Variants in WDPCP observed in about 807,000 individuals in gnomAD.
WDPCP encodes WD repeat containing planar cell polarity effector, also known as WD repeat-containing and planar cell polarity effector protein fritz homolog.
WDPCP carries 71 observed loss-of-function variants against 93.1 expected under a neutral mutation model. That is an observed-to-expected ratio of 0.76 (90% CI 0.63 to 0.93). The LOEUF is 0.93. Among genes scored for constraint, WDPCP ranks in the 40% least tolerant of loss-of-function variants. The probability of loss-of-function intolerance (pLI) is 0.00; values close to 1 mark genes in which losing one functional copy is unlikely to be tolerated. For synonymous variants in WDPCP, 315 were observed against 315.0 expected (o/e 1.00, Z 0.00); for missense variants, 844 against 887.4 (o/e 0.95, Z 0.62).
At chr2:63,582,294 A>G (rs1390657596) in intron 1 of WDPCP, among the ~76,000 whole-genome samples, 1 of 152,180 alleles carries the variant, frequency 6.6e-6, no homozygotes, top group Non-Finnish European at 1.5e-5. Flanking sequence ...TAGAATGAAT[A>G]GCATATTAGA....
At chr2:63,717,710 C>A in intron 2 of WDPCP, 1 of 459,624 alleles carries the variant, frequency 2.2e-6, no homozygotes, top group Non-Finnish European at 4.3e-6. Context: ...CTTGGCCCAA[C>A]GTTGATGCCC....
chr2:63,741,314 AT>A lies in WDPCP; in HGVS notation n.308+72307del, dbSNP rs930733213. On this transcript the variant is annotated intron_variant and non_coding_transcript_variant, in intron 2 of 4. Transcript: ENST00000467687. ...AGGTCCCTCGGACCTTCTTTGATTT[AT>A]TTTTTTTTTCAGGCTCATTTATCCA... Among the ~76,000 whole-genome samples the A allele has an allele frequency of 5.2e-4, 78 of 149,672 alleles. No homozygotes were observed. The East Asian group carries it at 6.0e-3, about 12-fold the overall frequency.
chr2:63,528,825 A>C (rs2106216089), intron 1 of WDPCP, among the ~76,000 whole-genome samples: 1 of 152,334 alleles, frequency 6.6e-6, no homozygotes, highest in Admixed American at 6.5e-5. Flanking sequence ...TCTTCACGAT[A>C]TTGATTCTTC....
intron 3 of WDPCP, among the ~76,000 whole-genome samples, chr2:63,640,163 G>C (rs1475022317): frequency 6.6e-6 from 1 of 151,962 alleles, no homozygotes; most frequent in African/African-American, 2.4e-5. Flanking sequence ...CGCCCGCCAC[G>C]ACGCCCAGCT....
intron 17 of WDPCP, among the ~76,000 whole-genome samples, chr2:63,127,268 T>C (rs1669977827): frequency 6.6e-6 from 1 of 151,670 alleles, no homozygotes. Context: ...ACTACAGGCA[T>C]GAGCCGCCAT....
chr2:63,371,700 CT>C (rs1050354733), intron 12 of WDPCP, among the ~76,000 whole-genome samples: 5 of 151,836 alleles, frequency 3.3e-5, no homozygotes, highest in African/African-American at 9.7e-5. Flanking sequence ...CCAAAAAAAC[CT>C]TTTTCATAAC....
intron 3 of WDPCP, chr2:63,594,748 A>T (rs755882307): frequency 8.7e-6 from 5 of 571,568 alleles, no homozygotes; most frequent in African/African-American, 1.9e-5. Context: ...AGGTATTTAT[A>T]TGTACGCCTC....
chr2:63,785,847 T>C (rs1298987231), intron 2 of WDPCP, among the ~76,000 whole-genome samples: 1 of 152,218 alleles, frequency 6.6e-6, no homozygotes, highest in African/African-American at 2.4e-5. Context: ...AAAGACTTTA[T>C]TAAGACGGTA....
intron 6 of WDPCP, among the ~76,000 whole-genome samples, chr2:63,469,892 T>C (rs1301004856): frequency 1.3e-5 from 2 of 152,200 alleles, no homozygotes; most frequent in African/African-American, 2.4e-5. Flanking sequence ...GCTTCTACCA[T>C]CACCTTCCAT....
At chr2:63,704,932 CT>C (rs1262447871) in intron 2 of WDPCP, among the ~76,000 whole-genome samples, 2 of 152,092 alleles carry the variant, frequency 1.3e-5, no homozygotes, top group Non-Finnish European at 2.9e-5. Flanking sequence ...TGGTCCTGGA[CT>C]TTTTTTGATT....
At chr2:63,185,922 C>G (rs1380728431) in intron 14 of WDPCP, among the ~76,000 whole-genome samples, 1 of 146,372 alleles carries the variant, frequency 6.8e-6, no homozygotes, top group Non-Finnish European at 1.5e-5. Flanking sequence ...TCCCGGCCCC[C>G]CCACCTCCCA....
intron 2 of WDPCP, among the ~76,000 whole-genome samples, chr2:63,694,849 T>G (rs1344728330): frequency 6.6e-6 from 1 of 152,136 alleles, no homozygotes; most frequent in Non-Finnish European, 1.5e-5. Context: ...ATTTAGCCTA[T>G]GAAACCTAAA....
chr2:63,212,341 C>A (rs1433792797), intron 14 of WDPCP, among the ~76,000 whole-genome samples: 1 of 152,138 alleles, frequency 6.6e-6, no homozygotes, highest in Non-Finnish European at 1.5e-5. Context: ...GAATTTTCAA[C>A]CCAGAATTTC....
At chr2:63,512,902 A>AG (rs1491106903) in intron 1 of WDPCP, among the ~76,000 whole-genome samples, 2 of 146,838 alleles carry the variant, frequency 1.4e-5, no homozygotes, top group South Asian at 4.3e-4. Flanking sequence ...TTTAAAAATT[A>AG]AAAAAAAAAA....
At chr2:63,153,151 C>CAGTATTTACTATGTACAGTATATACTAT in intron 16 of WDPCP, 1 of 598,000 alleles carries the variant, frequency 1.7e-6, no homozygotes, top group Non-Finnish European at 3.0e-6. Flanking sequence ...CCTTGCATTA[C>CAGTATTTACTATGTACAGTATATACTAT]AGTATTTACT....
intron 14 of WDPCP, among the ~76,000 whole-genome samples, chr2:63,180,757 A>G (rs1035362559): frequency 6.6e-5 from 10 of 152,168 alleles, no homozygotes; most frequent in Non-Finnish European, 8.8e-5. Context: ...AAATCTCCAT[A>G]CGGTTTTCCA....
chr2:63,799,367 A>G (rs932717541), intron 2 of WDPCP, among the ~76,000 whole-genome samples: 3 of 152,200 alleles, frequency 2.0e-5, no homozygotes, highest in African/African-American at 4.8e-5. Context: ...ACTATTATCA[A>G]CTTATAAATG....
intron 13 of WDPCP, among the ~76,000 whole-genome samples, chr2:63,311,619 T>C (rs1686195328): frequency 6.6e-6 from 1 of 152,180 alleles, no homozygotes; most frequent in South Asian, 2.1e-4. Flanking sequence ...TCATCTTTTA[T>C]GTGTAAAAAT....
chr2:63,318,953 C>G (rs1686876173), intron 12 of WDPCP, among the ~76,000 whole-genome samples: 1 of 151,908 alleles, frequency 6.6e-6, no homozygotes, highest in Non-Finnish European at 1.5e-5. Flanking sequence ...ATAACTTATA[C>G]ATAAAGTTTA....
Sources: gnomAD v4.1 joint callset for allele counts (sites outside exome capture counted in the v4.1 genomes callset) on GRCh38, gnomAD v4.1.1 for gene constraint, MANE v1.5 for transcripts, NCBI Gene and HGNC (gene_info 2026-07-23, HGNC 2026-07-21) for gene names.